Variants in MCFD2 observed in about 807,000 individuals in gnomAD.
MCFD2 encodes the protein multiple coagulation factor deficiency protein 2.
A neutral mutation model predicts 12.8 loss-of-function variants in MCFD2; 11 were observed. The observed-to-expected ratio is 0.86, with a 90% CI of 0.54 to 1.42. MCFD2 has a LOEUF of 1.42. MCFD2 is among the 40% of genes most tolerant of loss of function. MCFD2 has a pLI of 0.00. For missense variants in MCFD2, 191 were observed against 178.6 expected (o/e 1.07, Z -0.40); for synonymous variants, 70 against 68.1 (o/e 1.03, Z -0.14).
intron 1 of MCFD2, among the ~76,000 whole-genome samples, chr2:46,934,412 C>T (rs1669860285): frequency 6.6e-6 from 1 of 152,154 alleles, no homozygotes; most frequent in Non-Finnish European, 1.5e-5. Context: ...ATGCATGCCA[C>T]CACGCCCAGC....
chr2:46,915,805 C>CGGGGGGGGGGGGGGGGGGGGGGCGG lies in MCFD2; in HGVS notation c.-90_-89insCCGCCCCCCCCCCCCCCCCCCCCCC. The CGGGGGGGGGGGGGGGGGGGGGGCGG allele has an allele frequency of 2.7e-6, 1 of 368,316 alleles. No homozygotes were observed. Among genetic ancestry groups the CGGGGGGGGGGGGGGGGGGGGGGCGG allele is most frequent in the Non-Finnish European group, 3.1e-6 (1 of 327,196 alleles). 22.8% of individuals were successfully genotyped at this position (368,316 alleles called of 1,614,324 possible). A position where few individuals can be genotyped will look rare whatever the true frequency, so the allele number is the denominator to read the frequency against. ...TCCCCAAAACGCTCTTCCTCGGCTT[C>CGGGGGGGGGGGGGGGGGGGGGGCGG]GCCCCGCCCCCCCCCCCCCCCCGAC... On this transcript the variant is annotated 5_prime_UTR_variant, in exon 1 of 4. Coordinates refer to ENST00000319466, the MANE Select transcript of MCFD2 (RefSeq NM_139279.6).
upstream of MCFD2, among the ~76,000 whole-genome samples, chr2:46,918,759 T>C (rs1668948153): frequency 1.3e-5 from 2 of 152,222 alleles, no homozygotes; most frequent in South Asian, 2.1e-4. Flanking sequence ...ACGAGCAATA[T>C]GGAACATTAG....
In MCFD2 at chr2:46,902,305, T is replaced by C. The variant is rs1480591883; in HGVS notation, c.*3158A>G. The C allele has an allele frequency of 6.5e-6, 1 of 152,678 alleles. No homozygotes were observed. Among genetic ancestry groups the C allele is most frequent in the Non-Finnish European group, 1.5e-5 (1 of 68,040 alleles). The allele number at this position is 152,678 out of a possible 1,614,324, so 9.5% of individuals were successfully genotyped here. Reference sequence around the variant, plus strand: ...TAACTTCAACAATATCCCTCTTGACTAGAACTTCTATCTGATTAATCATTG... The same window carrying C: ...TAACTTCAACAATATCCCTCTTGACCAGAACTTCTATCTGATTAATCATTG... On this transcript the variant is annotated 3_prime_UTR_variant, in exon 4 of 4. Transcript: ENST00000319466.
intron 1 of MCFD2, among the ~76,000 whole-genome samples, chr2:46,923,408 G>T (rs909376835): frequency 6.6e-6 from 1 of 152,200 alleles, no homozygotes; most frequent in African/African-American, 2.4e-5. Flanking sequence ...CTTACAAGAA[G>T]ACATCACTGT....
intron 1 of MCFD2, among the ~76,000 whole-genome samples, chr2:46,926,795 G>A (rs780640346): frequency 5.3e-5 from 8 of 152,118 alleles, no homozygotes; most frequent in South Asian, 2.1e-4. Flanking sequence ...AGCAATCAAC[G>A]GACCTCCACA....
At chr2:46,925,186 G>A (rs1669323000) in intron 1 of MCFD2, among the ~76,000 whole-genome samples, 1 of 152,148 alleles carries the variant, frequency 6.6e-6, no homozygotes, top group Non-Finnish European at 1.5e-5. Flanking sequence ...GAACTTCTGG[G>A]TTTAAGCGAT....
intron 1 of MCFD2, among the ~76,000 whole-genome samples, chr2:46,927,808 C>T (rs946936799): frequency 4.7e-5 from 7 of 149,636 alleles, no homozygotes; most frequent in South Asian, 4.2e-4. Context: ...CAAGAGTAAA[C>T]GTGAGAAGAC....
In MCFD2 at chr2:46,941,747, C is replaced by T. The variant is rs537814816; in HGVS notation, c.-183G>A. ...ACCGGTGAGTAAGGGAAGAGGCTGG[C>T]TCGCCGGCAGCGAGCGCGCGAAACG... On this transcript the variant is annotated 5_prime_UTR_variant, in exon 1 of 3. Coordinates refer to the MCFD2 transcript ENST00000409147. This position sits in a 1 kb window ranked among gnomAD's most constrained non-coding sequence, Gnocchi z 4.2. 5.8e-6 allele frequency: 9 copies of T among 1,547,668 alleles called. 1 individual carries two copies. In the South Asian group the frequency reaches 7.2e-5, roughly 12 times the overall value.
intron 3 of MCFD2, chr2:46,906,008 T>G (rs753166623): frequency 2.1e-6 from 1 of 471,826 alleles, no homozygotes; most frequent in Non-Finnish European, 4.4e-6. Flanking sequence ...CAGTGACGAA[T>G]TGGACAACAA....
Position 46,940,126 on chromosome 2 carries a change from G to T in MCFD2, c.-8+1446C>A, listed in dbSNP as rs10164756. Among the ~76,000 whole-genome samples, 8,834 of 152,034 alleles carry T rather than the reference G, an allele frequency of 0.058. 319 individuals carry two copies. Among genetic ancestry groups the T allele is most frequent in the African/African-American group, 0.093 (3,852 of 41,448 alleles). On this transcript the variant is annotated intron_variant, in intron 1 of 2. Coordinates refer to the MCFD2 transcript ENST00000409147. This position sits in a 1 kb window ranked among gnomAD's most constrained non-coding sequence, Gnocchi z 4.7. Reference sequence around the variant, plus strand: ...TGGCTTCATGTGAAAGGCCACACGGGACTATGCACTAGGAGCCTGGGTTCT... The same window carrying T: ...TGGCTTCATGTGAAAGGCCACACGGTACTATGCACTAGGAGCCTGGGTTCT...
In MCFD2 at chr2:46,902,674, C is replaced by G. The variant is rs886056108; in HGVS notation, c.*2789G>C. 6.6e-6 allele frequency: 1 copy of G among 152,558 alleles called. No individual in the cohort carries two copies. The highest frequency in any genetic ancestry group is 1.5e-5 in the Non-Finnish European group (1 of 68,036). 9.5% of individuals were successfully genotyped at this position (152,558 alleles called of 1,614,324 possible). On this transcript the variant is annotated 3_prime_UTR_variant, in exon 4 of 4. Transcript: ENST00000319466. ...TTAGACTCTGTGGCTAGGCTGAACT[C>G]AGAATCTCAGACTCTGTGGCTAGGC...
At position 46,941,792 on chromosome 2, in the gene MCFD2, C is replaced by A. The variant is rs1308928291; in HGVS notation, c.-228G>T. 1.3e-6 allele frequency: 2 copies of A among 1,537,172 alleles called. No individual in the cohort carries two copies. The highest frequency in any genetic ancestry group is 1.4e-5 in the African/African-American group (1 of 72,764). ...GAAACGCACCGCCTCCTCCAGGAAG[C>A]GCGCCCAGACAGTCCTCGGCCGACA... On this transcript the variant is annotated 5_prime_UTR_variant, in exon 1 of 3. Transcript: ENST00000409147. This position sits in a 1 kb window ranked among gnomAD's most constrained non-coding sequence, Gnocchi z 4.2.
At chr2:46,905,695 TAAAAA>T (rs59068176) in intron 3 of MCFD2, 101 bp from the exon 4 acceptor site, 787 of 508,526 alleles carry the variant, frequency 1.5e-3, no homozygotes, top group Middle Eastern at 3.0e-3. Context: ...CACTGTTTAT[TAAAAA>T]AAAAAAAAAA....
chr2:46,907,561 T>TTTTGTTTTG lies in MCFD2; in HGVS notation c.309+240_309+248dup. On this transcript the variant is annotated intron_variant, in intron 3 of 3. Coordinates refer to ENST00000319466, the MANE Select transcript of MCFD2 (RefSeq NM_139279.6). This position sits in a 1 kb window ranked among gnomAD's most constrained non-coding sequence, Gnocchi z 4.1. The stretch of plus-strand genomic sequence containing the variant: ...TACCAGGCCTGGCTAATTTTTTAAT[T>TTTTGTTTTG]TTTGTTTTGTTTGTTTTGTAGAGAC... 2.0e-6 allele frequency: 1 copy of TTTTGTTTTG among 488,006 alleles called. No individual in the cohort carries two copies. The highest frequency in any genetic ancestry group is 3.8e-6 in the Non-Finnish European group (1 of 266,644). The allele number at this position is 488,006 out of a possible 1,614,324, so 30.2% of individuals were successfully genotyped here. A position where few individuals can be genotyped will look rare whatever the true frequency, so the allele number is the denominator to read the frequency against.
At chr2:46,935,054 C>T (rs1284643402) in intron 1 of MCFD2, among the ~76,000 whole-genome samples, 2 of 152,048 alleles carry the variant, frequency 1.3e-5, no homozygotes, top group South Asian at 2.1e-4. Flanking sequence ...CCACCTCGGC[C>T]TCCCAAAGTG....
At chr2:46,924,206 TAA>T (rs34177384) in intron 1 of MCFD2, among the ~76,000 whole-genome samples, 4 of 128,750 alleles carry the variant, frequency 3.1e-5, no homozygotes, top group African/African-American at 5.7e-5. Flanking sequence ...CCTGTCTCTT[TAA>T]AAAAAAAAAA....
intron 1 of MCFD2, among the ~76,000 whole-genome samples, chr2:46,913,126 G>T (rs553514892): frequency 6.6e-6 from 1 of 152,244 alleles, no homozygotes; most frequent in South Asian, 2.1e-4. Context: ...TGGGATAAAG[G>T]CCAAGAATCA....
At chr2:46,934,784 G>GCC (rs1669882063) in intron 1 of MCFD2, among the ~76,000 whole-genome samples, 3 of 81,916 alleles carry the variant, frequency 3.7e-5, no homozygotes, top group Admixed American at 3.5e-4. Context: ...GAAGACTACT[G>GCC]CTCTTTTTTT....
rs1343670713 is a variant in MCFD2, at chr2:46,907,416, A to C, written c.309+394T>G. On this transcript the variant is annotated intron_variant, in intron 3 of 3. Transcript: ENST00000319466. The surrounding 1 kb of genome is among the most constrained non-coding windows in gnomAD (Gnocchi z 4.1). ...TTTTCTCTTTTTGAGACAAGGCCTC[A>C]CTCTGTTGCCCAGGCTGAAGTGCGG... 2 of 217,466 alleles carry C rather than the reference A, an allele frequency of 9.2e-6. No individual in the cohort carries two copies. The highest frequency in any genetic ancestry group is 1.9e-5 in the Non-Finnish European group (2 of 107,538). The allele number at this position is 217,466 out of a possible 1,614,324, so 13.5% of individuals were successfully genotyped here. A position where few individuals can be genotyped will look rare whatever the true frequency, so the allele number is the denominator to read the frequency against.
Sources: allele counts gnomAD v4.1 joint callset (sites outside exome capture counted in the v4.1 genomes callset), GRCh38; gene constraint gnomAD v4.1.1; non-coding constraint Gnocchi (gnomAD v3.1); transcripts MANE v1.5; gene names NCBI Gene and HGNC (gene_info 2026-07-23, HGNC 2026-07-21).